Variants in NRXN1 observed in about 807,000 individuals in gnomAD.
NRXN1 encodes the protein neurexin 1, also known as neurexin-1.
A neutral mutation model predicts 150.9 loss-of-function variants in NRXN1; 39 were observed. The observed-to-expected ratio is 0.26, with a 90% CI of 0.20 to 0.34. The LOEUF is 0.34. Among genes scored for constraint, NRXN1 ranks in the 10% least tolerant of loss-of-function variants. NRXN1 has a pLI of 1.00. For missense variants in NRXN1, 1,815 were observed against 1,949.9 expected, an observed-to-expected ratio of 0.93 and a Z score of 1.30; for synonymous variants, 924 against 757.0, an observed-to-expected ratio of 1.22 and a Z score of -3.62.
intron 3 of NRXN1, among the ~76,000 whole-genome samples, 180 bp downstream of exon 3, chr2:50,925,758 A>T (rs542714017): frequency 6.6e-6 from 1 of 152,020 alleles, no homozygotes; most frequent in African/African-American, 2.4e-5. Context: ...AAAGTTTCAT[A>T]TACTTGGGAT....
chr2:50,321,765 T>C (rs753271191), intron 17 of NRXN1, among the ~76,000 whole-genome samples: 4 of 152,102 alleles, frequency 2.6e-5, no homozygotes, highest in African/African-American at 9.7e-5. Flanking sequence ...TACAATATTG[T>C]ATAATATCCC....
chr2:50,135,324 G>C (rs1181872076), intron 18 of NRXN1, among the ~76,000 whole-genome samples: 1 of 152,180 alleles, frequency 6.6e-6, no homozygotes, highest in East Asian at 1.9e-4. Flanking sequence ...ATAGACGAAA[G>C]GTTTTAGGGG....
intron 21 of NRXN1, among the ~76,000 whole-genome samples, chr2:50,045,731 T>C (rs1430523118): frequency 1.3e-5 from 2 of 152,136 alleles, no homozygotes; most frequent in East Asian, 3.9e-4. Flanking sequence ...TAAAAAGATA[T>C]TACTTTGTCC....
intron 5 of NRXN1, among the ~76,000 whole-genome samples, chr2:50,801,586 A>T (rs910446100): frequency 2.6e-5 from 4 of 152,212 alleles, no homozygotes; most frequent in Non-Finnish European, 4.4e-5. Flanking sequence ...AAAATAAACA[A>T]AAACAAACCC....
chr2:50,385,438 C>T (rs575561252), intron 17 of NRXN1, among the ~76,000 whole-genome samples: 2 of 152,152 alleles, frequency 1.3e-5, no homozygotes, highest in Non-Finnish European at 2.9e-5. Flanking sequence ...TTGAAAGCAG[C>T]AAATCCCAGA....
chr2:50,087,229 T>A (rs1342803681), intron 19 of NRXN1, among the ~76,000 whole-genome samples: 1 of 152,184 alleles, frequency 6.6e-6, no homozygotes, highest in East Asian at 1.9e-4. Flanking sequence ...CTTGAACTTT[T>A]TTTTGCCTAT....
At chr2:50,962,477 A>G (rs1177264387) in intron 2 of NRXN1, among the ~76,000 whole-genome samples, 1 of 151,154 alleles carries the variant, frequency 6.6e-6, no homozygotes. Context: ...CAGCTTCCAC[A>G]TTAATGGTAT....
chr2:50,474,683 C>CAAAAAA (rs754558377), intron 15 of NRXN1, among the ~76,000 whole-genome samples: 14 of 54,992 alleles, frequency 2.5e-4, no homozygotes, highest in African/African-American at 4.1e-4. Flanking sequence ...ACAGAAATAG[C>CAAAAAA]AAAAAAAAAA....
rs1373573134 is a variant in NRXN1, at chr2:50,608,676, A to G, written c.1320+11346T>C. ...ATTGGTTTCAATCCTTGATGATCAC[A>G]CCTTATAGCCTGGATACCTTGGGGA... On this transcript the variant is annotated intron_variant, in intron 8 of 22. Transcript: ENST00000401669. Among the ~76,000 whole-genome samples, 3 of 152,132 alleles carry G rather than the reference A, an allele frequency of 2.0e-5. No homozygotes were observed. In the East Asian group the frequency reaches 5.8e-4, roughly 29 times the overall value.
chr2:51,022,474 A>G (rs1320642035), intron 2 of NRXN1, among the ~76,000 whole-genome samples: 2 of 152,164 alleles, frequency 1.3e-5, no homozygotes, highest in African/African-American at 2.4e-5. Flanking sequence ...TATTTGTGGC[A>G]TTTTGGAATA....
chr2:50,043,720 T>A (rs751795839), intron 21 of NRXN1, among the ~76,000 whole-genome samples: 43 of 152,194 alleles, frequency 2.8e-4, no homozygotes, highest in Non-Finnish European at 4.9e-4. Context: ...TTTTTACTGC[T>A]GAATTTTAAA....
chr2:50,810,014 T>A (rs1411503941), intron 5 of NRXN1, among the ~76,000 whole-genome samples: 1 of 152,186 alleles, frequency 6.6e-6, no homozygotes, highest in Admixed American at 6.6e-5. Flanking sequence ...CTCTTCAATA[T>A]AGTCACGTTC....
chr2:50,428,506 T>C (rs1572935427), intron 17 of NRXN1, among the ~76,000 whole-genome samples: 1 of 152,234 alleles, frequency 6.6e-6, no homozygotes, highest in Non-Finnish European at 1.5e-5. Flanking sequence ...TTAAGAACTT[T>C]TGTAAATACA....
chr2:50,281,316 C>CACAAAAAAAAAAAAACAAACAAACAAA (rs1187135501), intron 17 of NRXN1, among the ~76,000 whole-genome samples: 16 of 124,710 alleles, frequency 1.3e-4, no homozygotes, highest in African/African-American at 4.6e-4. Context: ...GACTCCGTCT[C>CACAAAAAAAAAAAAACAAACAAACAAA]AAAAACAATA....
At position 50,040,846 on chromosome 2, in the gene NRXN1, CT is replaced by C. The variant is rs375016363; in HGVS notation, c.4128+12424del. ...CATCCATTTAAATATATTGTATTTT[CT>C]TTTTTTTTCTATTTCCTTTTGCTTT... On this transcript the variant is annotated intron_variant, in intron 21 of 22. Coordinates refer to ENST00000401669, the MANE Select transcript of NRXN1 (RefSeq NM_001330078.2). Among the ~76,000 whole-genome samples, 262 of 150,898 alleles carry C rather than the reference CT, an allele frequency of 1.7e-3. 4 individuals are homozygous for C. In the East Asian group the frequency reaches 0.025, roughly 14 times the overall value.
chr2:50,631,736 G>T (rs899108885), intron 5 of NRXN1, among the ~76,000 whole-genome samples: 2 of 151,906 alleles, frequency 1.3e-5, no homozygotes, highest in Non-Finnish European at 2.9e-5. Context: ...GCCATTCTGT[G>T]TCTGGCTGGA....
chr2:50,937,561 T>A (rs1325264597), intron 2 of NRXN1, among the ~76,000 whole-genome samples: 1 of 152,148 alleles, frequency 6.6e-6, no homozygotes, highest in Non-Finnish European at 1.5e-5. Context: ...TTAGTATTAG[T>A]TGCCATCCAA....
chr2:50,028,278 G>A (rs1468027748), intron 21 of NRXN1, among the ~76,000 whole-genome samples: 1 of 152,092 alleles, frequency 6.6e-6, no homozygotes, highest in Non-Finnish European at 1.5e-5. Flanking sequence ...ATAGAGAATT[G>A]GGTGCACATT....
chr2:50,531,420 A>T lies in NRXN1; in HGVS notation c.2154T>A (p.Val718=), dbSNP rs199815074. ...TAAACATGCTCCCATCATAGCTCAA[A>T]ACCGTTGCCTCTAGAGATGGAAAAT... ...LGRSCEREAT[V]LSYDGSMFMK... Residue 718 remains valine (V), a synonymous_variant, in exon 11 of 23, where the codon GTT becomes GTA. Transcript: ENST00000401669. 8 of 1,610,756 alleles carry T rather than the reference A, an allele frequency of 5.0e-6. No individual in the cohort carries two copies. The African/African-American group carries it at 9.3e-5, about 19-fold the overall frequency.
Sources: allele counts gnomAD v4.1 joint callset (sites outside exome capture counted in the v4.1 genomes callset), GRCh38; gene constraint gnomAD v4.1.1; transcripts MANE v1.5; gene names NCBI Gene and HGNC (gene_info 2026-07-23, HGNC 2026-07-21).